Variants in SNRNP48 observed in about 807,000 individuals in gnomAD.
SNRNP48 encodes U11/U12 small nuclear ribonucleoprotein 48 kDa protein.
In SNRNP48, 43 loss-of-function variants were observed where a neutral mutation model predicts 47.0. The ratio of observed to expected loss-of-function variants is 0.92; its 90% CI spans 0.72 to 1.18. SNRNP48 has a LOEUF of 1.18. Among genes scored for constraint, SNRNP48 ranks in the 50% most tolerant of loss-of-function variants. The pLI is 0.00. For missense variants in SNRNP48, 396 were observed against 422.2 expected (o/e 0.94, Z 0.54); for synonymous variants, 138 against 144.0 (o/e 0.96, Z 0.30).
chr6:7,604,171 T>C (rs1760083754), intron 6 of SNRNP48, among the ~76,000 whole-genome samples: 1 of 152,226 alleles, frequency 6.6e-6, no homozygotes, highest in Non-Finnish European at 1.5e-5. Context: ...TACATAGAGC[T>C]GCTGACAGGG....
At chr6:7,596,498 T>A (rs1000454458) in intron 4 of SNRNP48, among the ~76,000 whole-genome samples, 1 of 152,222 alleles carries the variant, frequency 6.6e-6, no homozygotes, top group Non-Finnish European at 1.5e-5. Flanking sequence ...TTCTCCCTCA[T>A]TGAAATTGAG....
intron 4 of SNRNP48, among the ~76,000 whole-genome samples, chr6:7,597,593 G>A (rs1759925853): frequency 6.6e-6 from 1 of 152,116 alleles, no homozygotes; most frequent in African/African-American, 2.4e-5. Context: ...AGCTTCTATG[G>A]TCTAAGTGAA....
intron 4 of SNRNP48, chr6:7,600,150 AC>A (rs1759985083): frequency 6.0e-6 from 6 of 993,376 alleles, no homozygotes; most frequent in Admixed American, 5.9e-5. Flanking sequence ...TTAATTCAAA[AC>A]CCTTTGACGA....
chr6:7,597,053 AG>A, intron 4 of SNRNP48, among the ~76,000 whole-genome samples: 1 of 152,294 alleles, frequency 6.6e-6, no homozygotes, highest in African/African-American at 2.4e-5. Context: ...ATTTTTTAAA[AG>A]GTTATTTTTT....
Position 7,602,626 on chromosome 6 carries a change from A to G in SNRNP48, c.599A>G (p.Asn200Ser), listed in dbSNP as rs1351608370. The change falls in exon 6 of 9, where the codon AAT becomes AGT. Residue 200 changes from asparagine (N) to serine (S), a missense_variant. Coordinates refer to ENST00000342415, the MANE Select transcript of SNRNP48 (RefSeq NM_152551.4). The part of the protein sequence containing the change: ...VDLAAKINQD[N>S]SRKSPKSYLE... ...TTTTATTTTATTCTTTCATTAGACA[A>G]TAGTCGAAAAAGTCCAAAATCCTAC... is the stretch of plus-strand genomic sequence containing the variant. 1 of 1,583,210 alleles carries G rather than the reference A, an allele frequency of 6.3e-7. No individual in the cohort carries two copies. The highest frequency in any genetic ancestry group is 8.6e-7 in the Non-Finnish European group (1 of 1,168,514).
At chr6:7,604,876 TAAAA>T (rs1156252897) in intron 6 of SNRNP48, among the ~76,000 whole-genome samples, 1 of 152,186 alleles carries the variant, frequency 6.6e-6, no homozygotes, top group African/African-American at 2.4e-5. Context: ...TATAAGGTTT[TAAAA>T]AAATCATTTG....
chr6:7,593,876 C>A, intron 2 of SNRNP48, 29 bp downstream of exon 2: 2 of 1,392,680 alleles, frequency 1.4e-6, no homozygotes, highest in Non-Finnish European at 2.0e-6. Context: ...ATTATATATA[C>A]ATATATGTCA....
At chr6:7,596,680 C>T (rs1298808787) in intron 4 of SNRNP48, among the ~76,000 whole-genome samples, 1 of 152,156 alleles carries the variant, frequency 6.6e-6, no homozygotes, top group African/African-American at 2.4e-5. Context: ...CCACTTTTGT[C>T]CCTGTCAGGG....
intron 3 of SNRNP48, among the ~76,000 whole-genome samples, chr6:7,594,655 G>C (rs1759872024): frequency 6.6e-6 from 1 of 151,784 alleles, no homozygotes; most frequent in African/African-American, 2.4e-5. Flanking sequence ...AAGATTAAGT[G>C]ATATATATAT....
intron 3 of SNRNP48, among the ~76,000 whole-genome samples, 182 bp from the exon 4 acceptor site, chr6:7,594,845 G>T (rs1421409762): frequency 6.6e-6 from 1 of 152,124 alleles, no homozygotes; most frequent in Non-Finnish European, 1.5e-5. Context: ...TTACTTACTG[G>T]GCTGTAGATA....
Position 7,608,767 on chromosome 6 carries a change from C to T in SNRNP48, c.972-58C>T, listed in dbSNP as rs1162618482. The T allele has an allele frequency of 5.5e-6, 5 of 917,356 alleles. No homozygotes were observed. In the African/African-American group the frequency reaches 6.9e-5, roughly 13 times the overall value. 56.8% of individuals were successfully genotyped at this position (917,356 alleles called of 1,614,324 possible). ...GTATTACTGTTGAATTATTTTAAAG[C>T]TCTGATATTAAAATGTCCATCATTT... On this transcript the variant is annotated intron_variant, in intron 8 of 8. Coordinates refer to ENST00000342415, the MANE Select transcript of SNRNP48 (RefSeq NM_152551.4).
chr6:7,596,291 C>T (rs1486278888), intron 4 of SNRNP48, among the ~76,000 whole-genome samples: 5 of 151,844 alleles, frequency 3.3e-5, no homozygotes, highest in South Asian at 2.1e-4. Flanking sequence ...CATAGACAAA[C>T]GAGTTAATAA....
At chr6:7,593,923 A>G in intron 2 of SNRNP48, 76 bp downstream of exon 2, 1 of 1,196,328 alleles carries the variant, frequency 8.4e-7, no homozygotes, top group Admixed American at 2.7e-5. Flanking sequence ...TTTGGAAGTT[A>G]CAATGTGAGG....
rs948997179 is a variant in SNRNP48 at position 7,608,212 on chromosome 6, G to A, written c.972-613G>A. ...CCAGAACAAGTAAAACATTCATTTC[G>A]AATTAAAGTGTTTTTTTTTTTAAGA... On this transcript the variant is annotated intron_variant, in intron 8 of 8. Coordinates refer to ENST00000342415, the MANE Select transcript of SNRNP48 (RefSeq NM_152551.4). Among the ~76,000 whole-genome samples, 36 of 151,950 alleles carry A rather than the reference G, an allele frequency of 2.4e-4. 1 individual carries two copies. The highest frequency in any genetic ancestry group is 7.7e-4 in the African/African-American group (32 of 41,480).
At position 7,590,222 on chromosome 6, in the gene SNRNP48, G is replaced by T; in HGVS notation, c.-36G>T. The T allele has an allele frequency of 7.0e-6, 9 of 1,281,360 alleles. No individual in the cohort carries two copies. The highest frequency in any genetic ancestry group is 8.9e-6 in the Non-Finnish European group (9 of 1,006,336). 79.4% of individuals were successfully genotyped at this position (1,281,360 alleles called of 1,614,324 possible). A position where few individuals can be genotyped will look rare whatever the true frequency, so the allele number is the denominator to read the frequency against. ...CAGAGGCCTGCGCGTGCGGTCTGCAGTTCGGCCGCTTCCTCTTGGCGGGTG... is the reference window on the plus strand; with the variant it reads ...CAGAGGCCTGCGCGTGCGGTCTGCATTTCGGCCGCTTCCTCTTGGCGGGTG... On this transcript the variant is annotated 5_prime_UTR_variant, in exon 1 of 9. Coordinates refer to ENST00000342415, the MANE Select transcript of SNRNP48 (RefSeq NM_152551.4).
At chr6:7,592,372 ATTT>A (rs59852711) in intron 1 of SNRNP48, among the ~76,000 whole-genome samples, 17 of 139,222 alleles carry the variant, frequency 1.2e-4, no homozygotes, top group African/African-American at 5.3e-5. Context: ...GAAAGTCTAG[ATTT>A]TTTTTTTTTT....
At position 7,605,451 on chromosome 6, in the gene SNRNP48, A is replaced by G; in HGVS notation, c.771A>G (p.Gln257=). 1 of 1,614,180 alleles carries G rather than the reference A, an allele frequency of 6.2e-7. No individual in the cohort carries two copies. ...TGGAAGAACTCAGCAATCATTGGCA[A>G]GAAGAGCAAGAGAAGGCAGAGGATG... ...VHMEELSNHW[Q]EEQEKAEDDA... is the part of the protein sequence containing the mutation. The change falls in exon 7 of 9, where the codon CAA becomes CAG. Residue 257 remains glutamine, a synonymous_variant. Transcript: ENST00000342415.
In SNRNP48 at chr6:7,609,081, C is replaced by T. The variant is rs1001528123; in HGVS notation, c.*208C>T. ...TATTAGGCCCTACAACTTTGTTTTC[C>T]TTATATTTTATTAGATGATTTGCTT... On this transcript the variant is annotated 3_prime_UTR_variant, in exon 9 of 9. Coordinates refer to ENST00000342415, the MANE Select transcript of SNRNP48 (RefSeq NM_152551.4). 5.2e-5 allele frequency: 16 copies of T among 307,488 alleles called. No individual in the cohort carries two copies. The highest frequency in any genetic ancestry group is 8.6e-5 in the Non-Finnish European group (14 of 163,166). The allele number at this position is 307,488 out of a possible 1,614,324, so 19.0% of individuals were successfully genotyped here.
At chr6:7,605,936 A>G in intron 7 of SNRNP48, 95 bp from the exon 8 acceptor site, 1 of 1,269,026 alleles carries the variant, frequency 7.9e-7, no homozygotes, top group Non-Finnish European at 1.1e-6. Flanking sequence ...CATTGGTTTG[A>G]TATAGAATAT....
Sources: gnomAD v4.1 joint callset for allele counts (sites outside exome capture counted in the v4.1 genomes callset) on GRCh38, gnomAD v4.1.1 for gene constraint, MANE v1.5 for transcripts, NCBI Gene and HGNC (gene_info 2026-07-23, HGNC 2026-07-21) for gene names.